The following LEMD3 variants were observed in gnomAD, a reference collection of about 807,000 sequenced individuals.
LEMD3 encodes the protein inner nuclear membrane protein Man1.
A neutral mutation model predicts 95.2 loss-of-function variants in LEMD3; 33 were observed. That is an observed-to-expected ratio of 0.35 (90% CI 0.26 to 0.46). The LOEUF is 0.46. Among genes scored for constraint, LEMD3 ranks in the 20% least tolerant of loss-of-function variants. The pLI, the probability that LEMD3 is intolerant of heterozygous loss-of-function variation, is 1.00. For synonymous variants in LEMD3, 525 were observed against 474.6 expected, an observed-to-expected ratio of 1.11 and a Z score of -1.38; for missense variants, 1,210 against 1,192.8, an observed-to-expected ratio of 1.01 and a Z score of -0.21.
rs1302098389 is a variant in LEMD3, at chr12:65,202,931, CTCTT to C, written c.1523-7990_1523-7987del. Among the ~76,000 whole-genome samples, 11 of 152,184 alleles carry C rather than the reference CTCTT, an allele frequency of 7.2e-5. No homozygotes were observed. In the East Asian group the frequency reaches 1.2e-3, roughly 16 times the overall value. ...TTCTGATATTAGTAATTTGTTTCCT[CTCTT>C]TCTTAGCTAGCCCACCTAAACGCTT... On this transcript the variant is annotated intron_variant, in intron 1 of 12. Coordinates refer to ENST00000308330, the MANE Select transcript of LEMD3 (RefSeq NM_014319.5).
intron 2 of LEMD3, 38 bp from the exon 3 acceptor site, chr12:65,215,939 G>GTTT: frequency 3.4e-6 from 2 of 584,802 alleles, no homozygotes; most frequent in Non-Finnish European, 5.5e-6. Context: ...TTTTTTTCTT[G>GTTT]TAATTGGGTA....
chr12:65,221,024 A>G (rs890917589), intron 4 of LEMD3, among the ~76,000 whole-genome samples: 4 of 152,170 alleles, frequency 2.6e-5, no homozygotes, highest in African/African-American at 9.7e-5. Flanking sequence ...CCATATGGAT[A>G]TTAGGATTAT....
chr12:65,233,153 G>GGC (rs2136350487), intron 4 of LEMD3, among the ~76,000 whole-genome samples: 1 of 152,202 alleles, frequency 6.6e-6, no homozygotes, highest in Non-Finnish European at 1.5e-5. Context: ...ACCATAGAGG[G>GGC]GCTAATAACT....
intron 1 of LEMD3, among the ~76,000 whole-genome samples, chr12:65,208,539 C>G (rs1869832351): frequency 6.6e-6 from 1 of 151,918 alleles, no homozygotes; most frequent in African/African-American, 2.4e-5. Flanking sequence ...TATGTTGTTT[C>G]CATTAAAGAC....
At chr12:65,197,197 C>T (rs533491574) in intron 1 of LEMD3, among the ~76,000 whole-genome samples, 8 of 152,200 alleles carry the variant, frequency 5.3e-5, no homozygotes, top group African/African-American at 1.9e-4. Flanking sequence ...AGGCTAATGG[C>T]TTCTATCTGA....
intron 4 of LEMD3, among the ~76,000 whole-genome samples, chr12:65,221,037 C>G (rs527869023): frequency 6.6e-6 from 1 of 152,092 alleles, no homozygotes; most frequent in Non-Finnish European, 1.5e-5. Flanking sequence ...AGGATTATGT[C>G]TTCTATTTCT....
intron 1 of LEMD3, among the ~76,000 whole-genome samples, chr12:65,205,944 A>C (rs528307187): frequency 2.6e-5 from 4 of 152,162 alleles, no homozygotes; most frequent in Admixed American, 6.6e-5. Flanking sequence ...ATCTAGAATG[A>C]CCATCTATTT....
chr12:65,169,904 C>G lies in LEMD3; in HGVS notation c.308C>G (p.Thr103Ser). Residue 103 changes from threonine to serine, a missense_variant, in exon 1 of 13, where the codon ACT (threonine) becomes AGT (serine). Transcript: ENST00000308330. ...TCGGGCGACCTCTCCTACTTACGGA[C>G]TCCTGGGGGCCTGTGCCGAATCTCG... ...PVSGDLSYLR[T>S]PGGLCRISAS... 1 of 1,450,520 alleles carries G rather than the reference C, an allele frequency of 6.9e-7. No individual in the cohort carries two copies. The highest frequency in any genetic ancestry group is 1.5e-5 in the South Asian group (1 of 68,184). 89.9% of individuals were successfully genotyped at this position (1,450,520 alleles called of 1,614,324 possible).
chr12:65,240,387 A>C (rs1870899543), intron 8 of LEMD3, 149 bp downstream of exon 8: 1 of 645,084 alleles, frequency 1.6e-6, no homozygotes, highest in Admixed American at 2.7e-5. Flanking sequence ...TTTGTACTTT[A>C]TACTCTCTTT....
intron 4 of LEMD3, among the ~76,000 whole-genome samples, chr12:65,228,282 T>C (rs912237393): frequency 6.6e-6 from 1 of 152,156 alleles, no homozygotes; most frequent in African/African-American, 2.4e-5. Context: ...AAAAAGTTAC[T>C]AGAAGCACTC....
chr12:65,243,305 A>G, intron 9 of LEMD3, 83 bp from the exon 10 acceptor site: 3 of 868,086 alleles, frequency 3.5e-6, no homozygotes, highest in Admixed American at 3.4e-5. Flanking sequence ...TGCAGTGAAT[A>G]TTTTTTGAAT....
chr12:65,186,395 A>T (rs1194002877), intron 1 of LEMD3, among the ~76,000 whole-genome samples: 1 of 152,118 alleles, frequency 6.6e-6, no homozygotes, highest in Non-Finnish European at 1.5e-5. Context: ...TTAATACAAA[A>T]TAGCTATAAA....
At chr12:65,203,117 G>C (rs954427148) in intron 1 of LEMD3, among the ~76,000 whole-genome samples, 1 of 151,928 alleles carries the variant, frequency 6.6e-6, no homozygotes, top group African/African-American at 2.4e-5. Context: ...ATTTTCCAAG[G>C]TGGAAGCTTA....
intron 1 of LEMD3, among the ~76,000 whole-genome samples, chr12:65,196,930 A>T (rs947462535): frequency 1.3e-5 from 2 of 152,184 alleles, no homozygotes; most frequent in Non-Finnish European, 2.9e-5. Flanking sequence ...TTATTTAAGC[A>T]AAGAATGATT....
At chr12:65,200,748 C>G (rs889153551) in intron 1 of LEMD3, among the ~76,000 whole-genome samples, 1 of 152,078 alleles carries the variant, frequency 6.6e-6, no homozygotes, top group Admixed American at 6.6e-5. Context: ...TATTTCCTGA[C>G]AGTCTATGGC....
At chr12:65,244,333 T>C (rs1871031803) in intron 10 of LEMD3, among the ~76,000 whole-genome samples, 1 of 144,024 alleles carries the variant, frequency 6.9e-6, no homozygotes, top group South Asian at 2.4e-4. Flanking sequence ...TTTGCAGAGA[T>C]AGAAACAATT....
intron 1 of LEMD3, among the ~76,000 whole-genome samples, chr12:65,209,981 A>G (rs1050184796): frequency 1.3e-5 from 2 of 152,100 alleles, no homozygotes; most frequent in African/African-American, 2.4e-5. Flanking sequence ...TATAAAATAT[A>G]AAAGTTTACA....
In LEMD3 at chr12:65,171,075, A is replaced by G. The variant is rs1868534543; in HGVS notation, c.1479A>G (p.Leu493=). 6 of 1,613,746 alleles carry G rather than the reference A, an allele frequency of 3.7e-6. No homozygotes were observed. The South Asian group carries it at 4.4e-5, about 12-fold the overall frequency. ...TCCTAATACTGGGACTGACTTACCT[A>G]GGAATGAGAGGGACAGGAGTATCTG... ...LFFLILGLTY[L]GMRGTGVSED... Residue 493 remains leucine (L), a synonymous_variant, in exon 1 of 13, where the codon CTA becomes CTG. Coordinates refer to ENST00000308330, the MANE Select transcript of LEMD3 (RefSeq NM_014319.5).
rs777455273 is a variant in LEMD3, at chr12:65,243,434, G to A, written c.2352G>A (p.Pro784=). ...ATTCACCACCAAATAGTTTGACACC[G>A]TGTCTAAAGATTCGGAATATGTTTG... The part of the protein sequence containing the change: ...RRNSPPNSLT[P]CLKIRNMFDP... The change falls in exon 10 of 13, where the codon CCG becomes CCA. Residue 784 remains proline (P), a synonymous_variant. Coordinates refer to ENST00000308330, the MANE Select transcript of LEMD3 (RefSeq NM_014319.5). The A allele has an allele frequency of 1.7e-5, 27 of 1,603,352 alleles. No homozygotes were observed. The highest frequency in any genetic ancestry group is 6.7e-5 in the East Asian group (3 of 44,766).
Sources: allele counts gnomAD v4.1 joint callset (sites outside exome capture counted in the v4.1 genomes callset), GRCh38; gene constraint gnomAD v4.1.1; transcripts MANE v1.5; gene names NCBI Gene and HGNC (gene_info 2026-07-23, HGNC 2026-07-21).